Variants in CAMSAP2 observed in about 807,000 individuals in gnomAD.
CAMSAP2 encodes the protein calmodulin-regulated spectrin-associated protein 2.
In CAMSAP2, 26 loss-of-function variants were observed where a neutral mutation model predicts 146.1. That is an observed-to-expected ratio of 0.18 (90% confidence interval 0.13 to 0.25). The LOEUF (loss-of-function observed/expected upper bound fraction) is 0.25, where lower values mean the gene tolerates loss of function less well. Ranked by LOEUF, CAMSAP2 falls within the 10% of genes least tolerant of loss-of-function variation. CAMSAP2 has a pLI of 1.00. For missense variants in CAMSAP2, 1,381 were observed against 1,759.3 expected, an observed-to-expected ratio of 0.78 and a Z score of 3.85; for synonymous variants, 499 against 596.6, an observed-to-expected ratio of 0.84 and a Z score of 2.38.
chr1:200,847,956 A>C (rs1272365517), intron 10 of CAMSAP2, 76 bp from the exon 11 acceptor site: 1 of 1,085,302 alleles, frequency 9.2e-7, no homozygotes, highest in Admixed American at 2.6e-5. Context: ...ATGTAATTTC[A>C]AATAATTCTT....
At chr1:200,816,768 A>ACG (rs1666521828) in intron 4 of CAMSAP2, among the ~76,000 whole-genome samples, 1 of 122,348 alleles carries the variant, frequency 8.2e-6, no homozygotes, top group African/African-American at 3.1e-5. Context: ...GTGTGTACAC[A>ACG]CACACGCGTG....
chr1:200,847,807 T>C, intron 10 of CAMSAP2, 98 bp downstream of exon 10: 1 of 1,126,190 alleles, frequency 8.9e-7, no homozygotes, highest in Non-Finnish European at 1.3e-6. Context: ...GCTAAAACTT[T>C]TAATTAGTTC....
chr1:200,800,622 G>A (rs540713047), intron 2 of CAMSAP2, among the ~76,000 whole-genome samples: 1 of 152,018 alleles, frequency 6.6e-6, no homozygotes, highest in Non-Finnish European at 1.5e-5. Context: ...TATCCAATTT[G>A]TCAATCTTTG....
At chr1:200,840,211 TTCTA>T (rs1439034112) in intron 6 of CAMSAP2, among the ~76,000 whole-genome samples, 1 of 152,146 alleles carries the variant, frequency 6.6e-6, no homozygotes, top group Non-Finnish European at 1.5e-5. Flanking sequence ...TCCCAGTCCT[TTCTA>T]TCTCACTATT....
Position 200,842,049 on chromosome 1 carries a change from C to T in CAMSAP2, c.983C>T (p.Pro328Leu). The part of the protein sequence containing the change: ...ELFWWFEVVK[P>L]SFVQPRVVRP... The stretch of plus-strand genomic sequence containing the variant: ...TTCTGGTGGTTTGAAGTGGTGAAGC[C>T]GTCTTTTGTACAGCCTCGTGTTGTT... The change falls in exon 7 of 17, where the codon CCG becomes CTG. Residue 328 changes from proline (P) to leucine (L), a missense_variant. Around this residue, in one of 4 missense-constraint regions of CAMSAP2, gnomAD observed 284 missense variants for 406.9 expected, o/e 0.70. Coordinates refer to ENST00000358823, the MANE Select transcript of CAMSAP2 (RefSeq NM_203459.4). 6.2e-7 allele frequency: 1 copy of T among 1,613,738 alleles called. No homozygotes were observed. Among genetic ancestry groups the T allele is most frequent in the South Asian group, 1.1e-5 (1 of 91,056 alleles).
At chr1:200,774,689 T>C (rs1309473436) in intron 2 of CAMSAP2, among the ~76,000 whole-genome samples, 1 of 152,148 alleles carries the variant, frequency 6.6e-6, no homozygotes, top group Non-Finnish European at 1.5e-5. Context: ...ATTTGAAAGA[T>C]GAGGAGCCAT....
At chr1:200,751,402 G>A (rs890791440) in intron 1 of CAMSAP2, among the ~76,000 whole-genome samples, 2 of 151,740 alleles carry the variant, frequency 1.3e-5, no homozygotes, top group African/African-American at 4.8e-5. Flanking sequence ...TGGGTGTGGT[G>A]GTGGGCACCT....
intron 2 of CAMSAP2, among the ~76,000 whole-genome samples, chr1:200,799,518 T>A (rs531210038): frequency 2.6e-5 from 4 of 152,308 alleles, no homozygotes; most frequent in Non-Finnish European, 4.4e-5. Flanking sequence ...AGTGGTGATA[T>A]CCTCTTTATC....
At chr1:200,757,414 T>A (rs1328464696) in intron 1 of CAMSAP2, among the ~76,000 whole-genome samples, 1 of 152,252 alleles carries the variant, frequency 6.6e-6, no homozygotes, top group Non-Finnish European at 1.5e-5. Context: ...TAAATTATGT[T>A]CTGCTTAAGT....
intron 4 of CAMSAP2, among the ~76,000 whole-genome samples, chr1:200,828,953 C>G (rs1411986097): frequency 6.6e-6 from 1 of 151,224 alleles, no homozygotes; most frequent in Non-Finnish European, 1.5e-5. Context: ...GTCAGGAGGT[C>G]GAGACCAGCC....
At chr1:200,817,144 A>G (rs1186356038) in intron 4 of CAMSAP2, among the ~76,000 whole-genome samples, 1 of 116,016 alleles carries the variant, frequency 8.6e-6, no homozygotes, top group Non-Finnish European at 1.8e-5. Flanking sequence ...GTGTATATAT[A>G]CACATACACA....
intron 2 of CAMSAP2, among the ~76,000 whole-genome samples, chr1:200,782,116 A>G (rs1336161341): frequency 6.6e-6 from 1 of 152,180 alleles, no homozygotes; most frequent in Non-Finnish European, 1.5e-5. Context: ...GTGACTGTAT[A>G]ATGCCTTAAG....
Position 200,837,882 on chromosome 1 carries a change from G to T in CAMSAP2, c.928-4112G>T, listed in dbSNP as rs149665587. Among the ~76,000 whole-genome samples the T allele has an allele frequency of 6.4e-4, 97 of 152,220 alleles. No individual in the cohort carries two copies. The East Asian group carries it at 0.017, about 27-fold the overall frequency. On this transcript the variant is annotated intron_variant, in intron 6 of 16. Transcript: ENST00000358823. The stretch of plus-strand genomic sequence containing the variant: ...TGATTTGGCTCTTGGCTTAACTGTT[G>T]TTGGTGTATAGGAATGTTAGTGATT...
intron 6 of CAMSAP2, among the ~76,000 whole-genome samples, chr1:200,833,102 A>G (rs1045547520): frequency 5.3e-5 from 8 of 152,112 alleles, no homozygotes; most frequent in African/African-American, 1.2e-4. Context: ...AAAATAAACC[A>G]TAGAACAAGA....
At position 200,852,813 on chromosome 1, in the gene CAMSAP2, A is replaced by G. The variant is rs1177603892; in HGVS notation, c.3602+136A>G. On this transcript the variant is annotated intron_variant, in intron 12 of 16. Coordinates refer to ENST00000358823, the MANE Select transcript of CAMSAP2 (RefSeq NM_203459.4). ...ACAGATTTCTTTCAGAGAAGTTTGT[A>G]GTATAGATAGACAGCTGGATCAATG... The G allele has an allele frequency of 7.8e-6, 7 of 891,880 alleles. No individual in the cohort carries two copies. In the East Asian group the frequency reaches 2.0e-4, roughly 25 times the overall value. 55.2% of individuals were successfully genotyped at this position (891,880 alleles called of 1,614,324 possible).
At chr1:200,797,457 C>T (rs1370293937) in intron 2 of CAMSAP2, among the ~76,000 whole-genome samples, 8 of 146,948 alleles carry the variant, frequency 5.4e-5, no homozygotes, top group African/African-American at 2.0e-4. Flanking sequence ...TTTTTGGCTG[C>T]ATAAATGTCT....
chr1:200,745,234 C>A (rs994013855), intron 1 of CAMSAP2, among the ~76,000 whole-genome samples: 1 of 152,048 alleles, frequency 6.6e-6, no homozygotes, highest in Non-Finnish European at 1.5e-5. Context: ...CACCTGATGC[C>A]AGTAGTGTTC....
At chr1:200,746,304 T>C (rs1664321269) in intron 1 of CAMSAP2, among the ~76,000 whole-genome samples, 1 of 152,010 alleles carries the variant, frequency 6.6e-6, no homozygotes, top group African/African-American at 2.4e-5. Flanking sequence ...ATGGTAGTGG[T>C]GGGTATGGAA....
chr1:200,796,550 A>G (rs1665889276), intron 2 of CAMSAP2, among the ~76,000 whole-genome samples: 1 of 152,170 alleles, frequency 6.6e-6, no homozygotes, highest in Admixed American at 6.5e-5. Flanking sequence ...ATACCAATTT[A>G]GGAAAGTATT....
Sources: gnomAD v4.1 joint callset for allele counts (sites outside exome capture counted in the v4.1 genomes callset) on GRCh38, gnomAD v4.1.1 for gene constraint, gnomAD v4.1.1 regional missense constraint, MANE v1.5 for transcripts, NCBI Gene and HGNC (gene_info 2026-07-23, HGNC 2026-07-21) for gene names.